Variants in EFCAB5 observed in about 807,000 individuals in gnomAD.
The protein encoded by EFCAB5 is EF-hand calcium-binding domain-containing protein 5.
In EFCAB5, 131 loss-of-function variants were observed where a neutral mutation model predicts 167.9. The ratio of observed to expected loss-of-function variants is 0.78; its 90% CI spans 0.68 to 0.90. EFCAB5 has a LOEUF of 0.90. Among genes scored for constraint, EFCAB5 ranks in the 40% least tolerant of loss-of-function variants. The pLI is 0.00. For missense variants in EFCAB5, 1,663 were observed against 1,745.2 expected (o/e 0.95, Z 0.84); for synonymous variants, 574 against 602.8 (o/e 0.95, Z 0.70).
chr17:30,092,502 C>T (rs1428405107), intron 21 of EFCAB5, among the ~76,000 whole-genome samples: 1 of 152,146 alleles, frequency 6.6e-6, no homozygotes, highest in African/African-American at 2.4e-5. Context: ...ATTCTCCTGC[C>T]TCAGCCTCTC....
At chr17:30,056,024 C>T (rs140718098) in intron 11 of EFCAB5, 40 bp from the exon 12 acceptor site, 49 of 1,612,706 alleles carry the variant, frequency 3.0e-5, no homozygotes, top group East Asian at 2.5e-4. Context: ...ATTGTGAAAG[C>T]GAAGTTTGAT....
intron 3 of EFCAB5, among the ~76,000 whole-genome samples, chr17:29,955,231 G>A (rs192424316): frequency 6.6e-6 from 1 of 152,196 alleles, no homozygotes; most frequent in African/African-American, 2.4e-5. Context: ...TTTGGGAGGG[G>A]CCGGGGCAGA....
intron 14 of EFCAB5, among the ~76,000 whole-genome samples, chr17:30,062,769 G>A (rs2151801936): frequency 6.6e-6 from 1 of 152,294 alleles, no homozygotes; most frequent in East Asian, 1.9e-4. Flanking sequence ...AGGCCAAGTG[G>A]AGGTGGAGTC....
chr17:30,102,879 C>T (rs2071399956), intron 22 of EFCAB5, among the ~76,000 whole-genome samples: 1 of 151,812 alleles, frequency 6.6e-6, no homozygotes, highest in African/African-American at 2.4e-5. Context: ...TCACCCAGGC[C>T]GAAGTACAGT....
At chr17:29,932,449 CTTTTT>C (rs35262851) in intron 1 of EFCAB5, among the ~76,000 whole-genome samples, 6 of 66,708 alleles carry the variant, frequency 9.0e-5, no homozygotes, top group African/African-American at 2.7e-4. Context: ...CTGTGCCCGG[CTTTTT>C]TTTTTTTTTT....
chr17:30,055,362 AAGGAAGG>A (rs2070227534), intron 10 of EFCAB5, among the ~76,000 whole-genome samples: 1 of 151,434 alleles, frequency 6.6e-6, no homozygotes, highest in South Asian at 2.1e-4. Context: ...GGAAGGAAGG[AAGGAAGG>A]AAGGAAGGAA....
intron 4 of EFCAB5, among the ~76,000 whole-genome samples, chr17:29,988,226 T>G (rs2068332315): frequency 6.6e-6 from 1 of 152,166 alleles, no homozygotes; most frequent in East Asian, 1.9e-4. Context: ...AGCCCTAATG[T>G]GAGTGATGTA....
rs539981742 is a variant in EFCAB5, at chr17:30,068,034, G to A, written c.2737+8333G>A. On this transcript the variant is annotated intron_variant, in intron 14 of 22. Coordinates refer to ENST00000394835, the MANE Select transcript of EFCAB5 (RefSeq NM_198529.4). ...ATATAAAAATCAGTAGGCCGGGCGC[G>A]GTGGCTCACGCCTGTAATCCCAGGA... Among the ~76,000 whole-genome samples the A allele has an allele frequency of 5.9e-5, 9 of 152,342 alleles. No individual in the cohort carries two copies. The South Asian group carries it at 1.7e-3, about 28-fold the overall frequency.
intron 18 of EFCAB5, among the ~76,000 whole-genome samples, 174 bp from the exon 19 acceptor site, chr17:30,086,889 T>A (rs2071099023): frequency 6.8e-6 from 1 of 147,566 alleles, no homozygotes; most frequent in African/African-American, 2.7e-5. Context: ...TGAAACTCCA[T>A]CTCGAAAAAA....
chr17:30,007,889 A>C (rs913131848), intron 7 of EFCAB5, among the ~76,000 whole-genome samples: 1 of 152,154 alleles, frequency 6.6e-6, no homozygotes, highest in African/African-American at 2.4e-5. Flanking sequence ...CAGGAGGCTG[A>C]GACCTAGGAG....
intron 7 of EFCAB5, among the ~76,000 whole-genome samples, chr17:30,020,356 CTT>C (rs539194798): frequency 7.6e-6 from 1 of 132,254 alleles, no homozygotes. Flanking sequence ...ATGCACTATT[CTT>C]TTTTTTTTTT....
intron 19 of EFCAB5, 82 bp downstream of exon 19, chr17:30,087,248 C>G: frequency 8.9e-7 from 1 of 1,126,458 alleles, no homozygotes; most frequent in African/African-American, 1.6e-5. Context: ...CAGCTTCTGA[C>G]TCTTGCTCAT....
rs148611205 is a variant in EFCAB5, at chr17:30,073,716, A to G, written c.2738-4499A>G. 3.3e-3 allele frequency: 2,363 copies of G among 712,686 alleles called. 5 individuals carry two copies. The highest frequency in any genetic ancestry group is 7.2e-3 in the Admixed American group (354 of 48,916). 44.1% of individuals were successfully genotyped at this position (712,686 alleles called of 1,614,324 possible). A position where few individuals can be genotyped will look rare whatever the true frequency, so the allele number is the denominator to read the frequency against. ...AATGAGATGCAAAAATTTTAAGTGT[A>G]TATTTGCTGAGTTTTGACAAATACA... On this transcript the variant is annotated intron_variant, in intron 14 of 22. Transcript: ENST00000394835.
intron 7 of EFCAB5, among the ~76,000 whole-genome samples, chr17:30,001,551 G>T (rs1473256239): frequency 1.3e-5 from 2 of 152,150 alleles, no homozygotes; most frequent in Non-Finnish European, 2.9e-5. Context: ...CAAGAGGATT[G>T]CTTAAGACCA....
chr17:29,995,768 T>C (rs916021777), intron 5 of EFCAB5, among the ~76,000 whole-genome samples: 1 of 152,224 alleles, frequency 6.6e-6, no homozygotes, highest in Admixed American at 6.5e-5. Context: ...TTCTTGCAAA[T>C]TGGTGTGGAT....
At position 30,051,993 on chromosome 17, in the gene EFCAB5, C is replaced by T. The variant is rs189909494; in HGVS notation, c.1300+776C>T. 4.8e-3 allele frequency among the ~76,000 whole-genome samples: 735 copies of T among 151,656 alleles called. 2 individuals carry two copies. Among genetic ancestry groups the T allele is most frequent in the Non-Finnish European group, 8.4e-3 (570 of 67,894 alleles). On this transcript the variant is annotated intron_variant, in intron 9 of 22. Coordinates refer to ENST00000394835, the MANE Select transcript of EFCAB5 (RefSeq NM_198529.4). ...TTTTTTTTTATTTTATGTTATTTTA[C>T]GTTTTCAGAGATGGGGTCTTGCTAT...
At chr17:30,100,994 C>T (rs948429875) in intron 22 of EFCAB5, among the ~76,000 whole-genome samples, 7 of 152,108 alleles carry the variant, frequency 4.6e-5, no homozygotes, top group African/African-American at 7.2e-5. Flanking sequence ...GGTCAGAGAA[C>T]GGGAGGTAAG....
At chr17:30,078,760 A>G (rs2070922479) in intron 15 of EFCAB5, among the ~76,000 whole-genome samples, 1 of 152,232 alleles carries the variant, frequency 6.6e-6, no homozygotes, top group African/African-American at 2.4e-5. Flanking sequence ...TGGGATTTCT[A>G]ATTTCATTTC....
chr17:29,989,106 T>C (rs1467912541), intron 4 of EFCAB5, among the ~76,000 whole-genome samples: 1 of 152,216 alleles, frequency 6.6e-6, no homozygotes, highest in African/African-American at 2.4e-5. Flanking sequence ...CCCCTAGTAA[T>C]TTTTGAAAGT....
Sources: gnomAD v4.1 joint callset for allele counts (sites outside exome capture counted in the v4.1 genomes callset) on GRCh38, gnomAD v4.1.1 for gene constraint, MANE v1.5 for transcripts, NCBI Gene and HGNC (gene_info 2026-07-23, HGNC 2026-07-21) for gene names.